Variants in SEMA6A observed in about 807,000 individuals in gnomAD.
SEMA6A encodes semaphorin 6A.
SEMA6A carries 25 observed loss-of-function variants against 96.8 expected under a neutral mutation model. The observed-to-expected ratio is 0.26, with a 90% CI of 0.19 to 0.36. The LOEUF is 0.36. Ranked by LOEUF, SEMA6A falls within the 10% of genes least tolerant of loss-of-function variation. The probability of loss-of-function intolerance (pLI) is 1.00; values close to 1 mark genes in which losing one functional copy is unlikely to be tolerated. For missense variants in SEMA6A, 1,363 were observed against 1,323.1 expected (o/e 1.03, Z -0.47); for synonymous variants, 612 against 518.0 (o/e 1.18, Z -2.46).
intron 1 of SEMA6A, among the ~76,000 whole-genome samples, chr5:116,518,790 C>T (rs1322268820): frequency 3.3e-5 from 5 of 152,184 alleles, no homozygotes; most frequent in Non-Finnish European, 5.9e-5. Context: ...ATCATCCAGG[C>T]TTTCACTAGT....
chr5:116,508,748 G>A (rs1311780203), intron 1 of SEMA6A, among the ~76,000 whole-genome samples: 1 of 152,200 alleles, frequency 6.6e-6, no homozygotes, highest in East Asian at 1.9e-4. Flanking sequence ...CTGGAGTTGA[G>A]CATTGGCTGC....
At chr5:116,496,836 A>G (rs1757626689) in intron 4 of SEMA6A, among the ~76,000 whole-genome samples, 1 of 152,226 alleles carries the variant, frequency 6.6e-6, no homozygotes, top group Admixed American at 6.5e-5. Context: ...CCTATGGCAC[A>G]GGTTTTATTA....
At chr5:116,478,434 T>G in intron 13 of SEMA6A, 108 bp downstream of exon 13, 2 of 1,195,572 alleles carry the variant, frequency 1.7e-6, no homozygotes, top group Non-Finnish European at 2.3e-6. Context: ...CACTAAAAAG[T>G]CATCTAAAAA....
chr5:116,504,416 G>T (rs550737246), intron 2 of SEMA6A, among the ~76,000 whole-genome samples: 1 of 151,992 alleles, frequency 6.6e-6, no homozygotes, highest in African/African-American at 2.4e-5. Flanking sequence ...TAACTTCTAA[G>T]TCCAAAAAAA....
chr5:116,454,678 T>C (rs1021857293), intron 18 of SEMA6A, among the ~76,000 whole-genome samples: 10 of 152,274 alleles, frequency 6.6e-5, no homozygotes, highest in Middle Eastern at 3.4e-3. Context: ...GAAGCAGCCT[T>C]CTTCTTGTCT....
chr5:116,459,009 A>G (rs952955443), intron 18 of SEMA6A, among the ~76,000 whole-genome samples: 2 of 152,178 alleles, frequency 1.3e-5, no homozygotes, highest in Non-Finnish European at 2.9e-5. Flanking sequence ...GACGGAGACT[A>G]CATATAGATT....
chr5:116,448,521 G>A (rs1754418943), intron 18 of SEMA6A, among the ~76,000 whole-genome samples: 1 of 151,998 alleles, frequency 6.6e-6, no homozygotes, highest in Non-Finnish European at 1.5e-5. Context: ...CCTGAGTCTG[G>A]AGGAAGAGGC....
intron 1 of SEMA6A, among the ~76,000 whole-genome samples, chr5:116,529,635 A>T (rs1224289457): frequency 6.6e-6 from 1 of 152,222 alleles, no homozygotes; most frequent in Non-Finnish European, 1.5e-5. Flanking sequence ...TTCCAAAACC[A>T]TGAAGAATTT....
chr5:116,515,431 G>A (rs568083103), intron 1 of SEMA6A, among the ~76,000 whole-genome samples: 14 of 152,166 alleles, frequency 9.2e-5, no homozygotes, highest in East Asian at 5.8e-4. Context: ...TTATTTTTGC[G>A]TTGCTCTCCC....
intron 1 of SEMA6A, among the ~76,000 whole-genome samples, chr5:116,513,195 T>A (rs1758502250): frequency 6.6e-6 from 1 of 152,074 alleles, no homozygotes; most frequent in Non-Finnish European, 1.5e-5. Context: ...TGGCGCGATC[T>A]CGGCTCACCA....
intron 8 of SEMA6A, among the ~76,000 whole-genome samples, chr5:116,488,563 C>T (rs768693167): frequency 6.6e-6 from 1 of 152,196 alleles, no homozygotes; most frequent in Non-Finnish European, 1.5e-5. Flanking sequence ...TCCACCACCT[C>T]CAAGCCCCTG....
chr5:116,514,676 C>G (rs1255703994), intron 1 of SEMA6A, among the ~76,000 whole-genome samples: 2 of 152,170 alleles, frequency 1.3e-5, no homozygotes, highest in African/African-American at 4.8e-5. Context: ...TGAGCTCTTT[C>G]CCTGCCTTAT....
chr5:116,540,716 T>A (rs987569575), intron 1 of SEMA6A, among the ~76,000 whole-genome samples: 3 of 151,836 alleles, frequency 2.0e-5, no homozygotes, highest in Non-Finnish European at 4.4e-5. Context: ...ATTTCAAGAG[T>A]GAGAGAGAGA....
At chr5:116,531,604 G>A (rs1759481411) in intron 1 of SEMA6A, among the ~76,000 whole-genome samples, 1 of 152,132 alleles carries the variant, frequency 6.6e-6, no homozygotes, top group Non-Finnish European at 1.5e-5. Flanking sequence ...GAATACTTGG[G>A]GGAAGGGGGT....
intron 1 of SEMA6A, among the ~76,000 whole-genome samples, chr5:116,534,958 GA>G (rs1370689493): frequency 6.6e-6 from 1 of 152,228 alleles, no homozygotes; most frequent in Non-Finnish European, 1.5e-5. Flanking sequence ...TGTAGCATTT[GA>G]AATGTCAGAA....
At chr5:116,491,612 T>C (rs1757328249) in intron 7 of SEMA6A, 128 bp downstream of exon 7, 1 of 695,262 alleles carries the variant, frequency 1.4e-6, no homozygotes, top group African/African-American at 1.8e-5. Flanking sequence ...AGAAAGGCAT[T>C]CTTAATTACA....
chr5:116,455,662 C>A (rs541499329), intron 18 of SEMA6A, among the ~76,000 whole-genome samples: 3 of 152,246 alleles, frequency 2.0e-5, no homozygotes, highest in African/African-American at 7.2e-5. Context: ...CTCTATAAAG[C>A]AAAGATAAAA....
chr5:116,523,893 A>T (rs1174030098), intron 1 of SEMA6A, among the ~76,000 whole-genome samples: 2 of 152,164 alleles, frequency 1.3e-5, no homozygotes, highest in African/African-American at 4.8e-5. Context: ...CTTTCATTTC[A>T]ATGCCTTCAG....
intron 1 of SEMA6A, among the ~76,000 whole-genome samples, chr5:116,568,946 T>C (rs551191074): frequency 6.6e-6 from 1 of 152,116 alleles, no homozygotes; most frequent in South Asian, 2.1e-4. Context: ...ATAGATAAAA[T>C]AAAGACTAGT....
Sources: allele counts gnomAD v4.1 joint callset (sites outside exome capture counted in the v4.1 genomes callset), GRCh38; gene constraint gnomAD v4.1.1; transcripts MANE v1.5; gene names NCBI Gene and HGNC (gene_info 2026-07-23, HGNC 2026-07-21).